Variants in CCSER1 observed in about 807,000 individuals in gnomAD.
The protein encoded by CCSER1 is serine-rich coiled-coil domain-containing protein 1.
Under a neutral mutation model 82.0 loss-of-function variants are expected in CCSER1, and 41 were observed. The ratio of observed to expected loss-of-function variants is 0.50; its 90% CI spans 0.39 to 0.65. The LOEUF is 0.65. Ranked by LOEUF, CCSER1 falls within the 30% of genes least tolerant of loss-of-function variation. The pLI, the probability that CCSER1 is intolerant of heterozygous loss-of-function variation, is 0.00. For synonymous variants in CCSER1, 414 were observed against 383.9 expected (o/e 1.08, Z -0.92); for missense variants, 1,119 against 1,064.2 (o/e 1.05, Z -0.72).
At chr4:91,353,485 G>A (rs1748618299) in intron 10 of CCSER1, among the ~76,000 whole-genome samples, 1 of 152,204 alleles carries the variant, frequency 6.6e-6, no homozygotes, top group South Asian at 2.1e-4. Context: ...CTGGTTTTGG[G>A]CGTGGTGCTG....
intron 10 of CCSER1, among the ~76,000 whole-genome samples, chr4:91,421,720 A>G (rs1338131348): frequency 1.3e-5 from 2 of 151,760 alleles, no homozygotes; most frequent in Non-Finnish European, 2.9e-5. Flanking sequence ...CAGTGTAAAT[A>G]TGTATCAAAT....
intron 8 of CCSER1, among the ~76,000 whole-genome samples, chr4:90,900,631 A>T (rs763356003): frequency 1.1e-4 from 16 of 151,724 alleles, no homozygotes; most frequent in Admixed American, 1.3e-4. Flanking sequence ...ATTGATTTCT[A>T]ATTTTATTGC....
intron 1 of CCSER1, among the ~76,000 whole-genome samples, chr4:90,219,240 T>C (rs893601204): frequency 6.6e-6 from 1 of 152,130 alleles, no homozygotes; most frequent in African/African-American, 2.4e-5. Context: ...CACTGACGTA[T>C]TTGTTGGGGA....
intron 7 of CCSER1, among the ~76,000 whole-genome samples, chr4:90,793,220 G>C (rs1025110057): frequency 6.6e-6 from 1 of 151,884 alleles, no homozygotes; most frequent in African/African-American, 2.4e-5. Context: ...TACATGTGCA[G>C]GTTTGTTATG....
intron 9 of CCSER1, among the ~76,000 whole-genome samples, chr4:91,074,279 G>C (rs1029615894): frequency 1.3e-5 from 2 of 152,136 alleles, no homozygotes; most frequent in Non-Finnish European, 2.9e-5. Flanking sequence ...AAAACACTTG[G>C]AATGGTGCTT....
chr4:91,042,714 C>A (rs1208471585), intron 9 of CCSER1, among the ~76,000 whole-genome samples: 1 of 152,000 alleles, frequency 6.6e-6, no homozygotes, highest in Non-Finnish European at 1.5e-5. Context: ...GATAATACAA[C>A]TTTTTAAAAT....
chr4:90,515,697 T>C (rs898766824), intron 5 of CCSER1, among the ~76,000 whole-genome samples: 3 of 152,180 alleles, frequency 2.0e-5, no homozygotes, highest in Non-Finnish European at 4.4e-5. Context: ...GTACATGTGA[T>C]AGGTTCTATT....
At chr4:90,716,016 C>A (rs1278418944) in intron 6 of CCSER1, among the ~76,000 whole-genome samples, 1 of 151,128 alleles carries the variant, frequency 6.6e-6, no homozygotes, top group African/African-American at 2.4e-5. Context: ...TAGGGGAACC[C>A]ATTATACATA....
intron 1 of CCSER1, among the ~76,000 whole-genome samples, chr4:90,160,044 A>T (rs10030534): frequency 6.8e-4 from 103 of 152,296 alleles, no homozygotes; most frequent in African/African-American, 2.3e-3. Context: ...CATTTTACAG[A>T]TTGGAAAATT....
At chr4:91,418,286 T>A (rs1433155859) in intron 10 of CCSER1, among the ~76,000 whole-genome samples, 15 of 112,848 alleles carry the variant, frequency 1.3e-4, no homozygotes, top group African/African-American at 3.8e-4. Context: ...ATCAACAAAA[T>A]TCAGAGATTT....
intron 10 of CCSER1, among the ~76,000 whole-genome samples, chr4:91,173,747 A>C (rs1383064256): frequency 6.6e-6 from 1 of 152,162 alleles, no homozygotes; most frequent in African/African-American, 2.4e-5. Context: ...TCCTGAGTGT[A>C]TGAGAGGCTA....
Position 90,888,045 on chromosome 4 carries a change from A to C in CCSER1, c.2095-35325A>C, listed in dbSNP as rs549635971. On this transcript the variant is annotated intron_variant, in intron 8 of 10. Transcript: ENST00000509176. The stretch of plus-strand genomic sequence containing the variant: ...CCATGTAAAAATAAAATGACAAAAT[A>C]AGTTATAATTAAATTGAGGTAATAT... Among the ~76,000 whole-genome samples, 233 of 152,324 alleles carry C rather than the reference A, an allele frequency of 1.5e-3. 3 individuals carry two copies. In the South Asian group the frequency reaches 0.026, roughly 17 times the overall value.
intron 10 of CCSER1, among the ~76,000 whole-genome samples, chr4:91,436,336 A>G (rs957441653): frequency 2.0e-5 from 3 of 152,182 alleles, no homozygotes; most frequent in African/African-American, 7.2e-5. Context: ...CAAGCTTTCA[A>G]TAAATGTACT....
At chr4:91,495,254 T>A (rs1459160857) in intron 10 of CCSER1, among the ~76,000 whole-genome samples, 2 of 151,718 alleles carry the variant, frequency 1.3e-5, no homozygotes, top group Non-Finnish European at 3.0e-5. Flanking sequence ...TATATTCACA[T>A]ATATAATGCA....
Position 90,879,662 on chromosome 4 carries a change from AAAG to A in CCSER1, c.2095-43696_2095-43694del, listed in dbSNP as rs1018994104. 1.2e-4 allele frequency among the ~76,000 whole-genome samples: 18 copies of A among 151,696 alleles called. No individual in the cohort carries two copies. The East Asian group carries it at 1.9e-3, about 16-fold the overall frequency. ...AAGAAGAAAGAGGAAGAAGAAGAGG[AAAG>A]AAGAAGAAGAAAGAAGAAGAAGAGG... On this transcript the variant is annotated intron_variant, in intron 8 of 10. Coordinates refer to ENST00000509176, the MANE Select transcript of CCSER1 (RefSeq NM_001145065.2).
chr4:91,542,253 T>C (rs900386057), intron 10 of CCSER1, among the ~76,000 whole-genome samples: 5 of 152,244 alleles, frequency 3.3e-5, no homozygotes, highest in African/African-American at 1.2e-4. Context: ...TTTGTTAATT[T>C]TGGCTTTTGT....
intron 2 of CCSER1, 91 bp downstream of exon 2, chr4:90,309,699 C>A: frequency 1.0e-6 from 1 of 991,506 alleles, no homozygotes; most frequent in South Asian, 1.9e-5. Flanking sequence ...GAATGGAAAC[C>A]ACATTTTTCT....
At chr4:91,016,348 A>G (rs984837359) in intron 9 of CCSER1, among the ~76,000 whole-genome samples, 3 of 152,042 alleles carry the variant, frequency 2.0e-5, no homozygotes, top group South Asian at 2.1e-4. Flanking sequence ...ACAATTATAT[A>G]TGATTATTTT....
At chr4:91,297,469 A>G in intron 10 of CCSER1, among the ~76,000 whole-genome samples, 1 of 150,828 alleles carries the variant, frequency 6.6e-6, no homozygotes, top group South Asian at 2.1e-4. Flanking sequence ...ATCTTCTAGT[A>G]TGATGAGAGT....
Sources: allele counts gnomAD v4.1 joint callset (sites outside exome capture counted in the v4.1 genomes callset), GRCh38; gene constraint gnomAD v4.1.1; transcripts MANE v1.5; gene names NCBI Gene and HGNC (gene_info 2026-07-23, HGNC 2026-07-21).